NF1: variants seen among roughly 807,000 people sequenced by gnomAD.
NF1 encodes neurofibromin 1.
Under a neutral mutation model 325.7 loss-of-function variants are expected in NF1, and 122 were observed. That is an observed-to-expected ratio of 0.37 (90% CI 0.32 to 0.44). The LOEUF (loss-of-function observed/expected upper bound fraction) is 0.44, where lower values mean the gene tolerates loss of function less well. Ranked by LOEUF, NF1 falls within the 20% of genes least tolerant of loss-of-function variation. The pLI is 1.00. For synonymous variants in NF1, 1,091 were observed against 1,186.0 expected, an observed-to-expected ratio of 0.92 and a Z score of 1.65; for missense variants, 2,140 against 3,415.4, an observed-to-expected ratio of 0.63 and a Z score of 9.31.
intron 30 of NF1, chr17:31,251,171 C>A: frequency 5.0e-6 from 1 of 201,080 alleles, no homozygotes. Flanking sequence ...TGTTTTTATT[C>A]ATCTTCCCTC....
intron 48 of NF1, among the ~76,000 whole-genome samples, chr17:31,343,554 A>G (rs73277710): frequency 0.021 from 3,183 of 152,272 alleles, 135 homozygotes; most frequent in African/African-American, 0.072. Flanking sequence ...CAAAAAATAA[A>G]TAAATAAATG....
chr17:31,360,364 T>G (rs993980684), intron 56 of NF1, 123 bp from the exon 57 acceptor site: 6 of 806,818 alleles, frequency 7.4e-6, no homozygotes, highest in South Asian at 6.1e-5. Context: ...CCTTTTTTAA[T>G]GATAAGTAAT....
At chr17:31,230,175 G>C (rs114031786) in intron 22 of NF1, 85 bp from the exon 23 acceptor site, 2 of 1,507,372 alleles carry the variant, frequency 1.3e-6, no homozygotes, top group East Asian at 2.3e-5. Flanking sequence ...CATTTAATTC[G>C]TTTTACTTGA....
chr17:31,134,114 A>G (rs975373893), intron 1 of NF1, among the ~76,000 whole-genome samples: 1 of 152,198 alleles, frequency 6.6e-6, no homozygotes, highest in African/African-American at 2.4e-5. Context: ...CTTGGACTCA[A>G]GCAATCTTCC....
chr17:31,250,125 G>A (rs571614001), intron 30 of NF1: 22 of 403,136 alleles, frequency 5.5e-5, no homozygotes, highest in East Asian at 4.3e-4. Context: ...AGCTTTTCAC[G>A]GTATACATAG....
chr17:31,263,031 ATAGATAGGTAGGTAGG>A (rs1244939820), intron 35 of NF1, among the ~76,000 whole-genome samples: 7 of 145,522 alleles, frequency 4.8e-5, no homozygotes, highest in South Asian at 2.1e-4. Flanking sequence ...AGATAGATAG[ATAGATAGGTAGGTAGG>A]TAGGTAGGTA....
intron 57 of NF1, among the ~76,000 whole-genome samples, chr17:31,364,929 GT>G (rs916976714): frequency 4.6e-5 from 7 of 152,164 alleles, no homozygotes; most frequent in Non-Finnish European, 7.3e-5. Flanking sequence ...GATATTTCAG[GT>G]TTGATATTAT....
Position 31,229,877 on chromosome 17 carries a change from A to G in NF1, c.2893A>G (p.Ile965Val). Residue 965 changes from isoleucine to valine, a missense_variant, in exon 22 of 58, where the codon ATA becomes GTA. Ile to Val is a conservative substitution (Grantham distance 29). Transcript: ENST00000358273. ...DTNTQFVEQT[I>V]AIMKNLLDNH... ...CAATACTCAATTTGTAGAACAAACC[A>G]TAGCTATAATGAAGAACTTGCTAGA... 1 of 1,611,834 alleles carries G rather than the reference A, an allele frequency of 6.2e-7. No homozygotes were observed. The highest frequency in any genetic ancestry group is 1.1e-5 in the South Asian group (1 of 90,994).
At chr17:31,127,289 G>A (rs895412088) in intron 1 of NF1, among the ~76,000 whole-genome samples, 3 of 151,964 alleles carry the variant, frequency 2.0e-5, no homozygotes, top group Admixed American at 6.6e-5. Flanking sequence ...ATTGATTTCC[G>A]CAAAAAATGA....
intron 1 of NF1, among the ~76,000 whole-genome samples, chr17:31,111,899 G>A (rs1913450051): frequency 6.6e-6 from 1 of 152,064 alleles, no homozygotes; most frequent in East Asian, 1.9e-4. Context: ...GAACTTTATT[G>A]CTTTTTGCTA....
chr17:31,182,882 T>C (rs2066163488), intron 8 of NF1: 1 of 606,652 alleles, frequency 1.6e-6, no homozygotes, highest in Non-Finnish European at 2.9e-6. Context: ...TGAACAAAGA[T>C]TTAAAATAAT....
rs751061803 is a variant in NF1, at chr17:31,367,705, TA to T, written c.8378-6301del. 2.6e-5 allele frequency among the ~76,000 whole-genome samples: 4 copies of T among 152,112 alleles called. No individual in the cohort carries two copies. The South Asian group carries it at 8.3e-4, about 32-fold the overall frequency. ...GGCTGTCTATTCAATCACCTGTGGT[TA>T]AAAAAAGGAATATGGCCAGGTGCGA... On this transcript the variant is annotated intron_variant, in intron 57 of 57. Coordinates refer to ENST00000358273, the MANE Select transcript of NF1 (RefSeq NM_001042492.3).
intron 39 of NF1, among the ~76,000 whole-genome samples, chr17:31,334,497 T>G (rs1164482902): frequency 3.3e-5 from 5 of 152,210 alleles, no homozygotes; most frequent in Non-Finnish European, 7.3e-5. Flanking sequence ...AATACAGTTT[T>G]CATTTTGTGG....
At chr17:31,239,217 T>C (rs1434167088) in intron 29 of NF1, among the ~76,000 whole-genome samples, 1 of 152,158 alleles carries the variant, frequency 6.6e-6, no homozygotes, top group Non-Finnish European at 1.5e-5. Context: ...ATGGGTAATG[T>C]AAGCAGAGAC....
At chr17:31,365,297 A>AAAAAAAAAAAAAAG (rs397975647) in intron 57 of NF1, among the ~76,000 whole-genome samples, 1 of 148,656 alleles carries the variant, frequency 6.7e-6, no homozygotes, top group African/African-American at 2.5e-5. Context: ...AAAAAAAAAA[A>AAAAAAAAAAAAAAG]GAAGGAAAGA....
chr17:31,327,977 C>T (rs2069391135), intron 38 of NF1, 138 bp downstream of exon 38: 2 of 813,732 alleles, frequency 2.5e-6, no homozygotes, highest in East Asian at 2.7e-5. Flanking sequence ...CCACTGTGAC[C>T]TCATCAAGTT....
intron 31 of NF1, among the ~76,000 whole-genome samples, chr17:31,255,511 A>G (rs1382371902): frequency 6.6e-6 from 1 of 152,190 alleles, no homozygotes. Context: ...TTCCAAAATT[A>G]TATTGATTCT....
At chr17:31,335,079 A>G in intron 40 of NF1, 48 bp downstream of exon 40, 13 of 1,506,634 alleles carry the variant, frequency 8.6e-6, no homozygotes, top group Non-Finnish European at 1.2e-5. Flanking sequence ...TTGTGCACAT[A>G]TTTATCTGGT....
chr17:31,215,972 A>G (rs1207639085), intron 13 of NF1, among the ~76,000 whole-genome samples: 2 of 152,206 alleles, frequency 1.3e-5, no homozygotes, highest in East Asian at 3.8e-4. Context: ...CCAAAGGATC[A>G]GTGACCCCAA....
Sources: allele counts gnomAD v4.1 joint callset (sites outside exome capture counted in the v4.1 genomes callset), GRCh38; gene constraint gnomAD v4.1.1; transcripts MANE v1.5; gene names NCBI Gene and HGNC (gene_info 2026-07-23, HGNC 2026-07-21).